The following AARS1 variants were observed in gnomAD, a reference collection of about 807,000 sequenced individuals.
The protein encoded by AARS1 is alanine--tRNA ligase, cytoplasmic.
In AARS1, 72 loss-of-function variants were observed where a neutral mutation model predicts 108.9. The ratio of observed to expected loss-of-function variants is 0.66; its 90% CI spans 0.55 to 0.80. AARS1 has a LOEUF of 0.80. AARS1 is among the 30% of genes least tolerant of loss of function. AARS1 has a pLI of 0.00. For missense variants in AARS1, 1,193 were observed against 1,233.2 expected (o/e 0.97, Z 0.49); for synonymous variants, 489 against 465.7 (o/e 1.05, Z -0.64).
In AARS1 at chr16:70,258,961, C is replaced by G. The variant is rs1960065308; in HGVS notation, c.1992+19G>C. 6.2e-7 allele frequency: 1 copy of G among 1,612,196 alleles called. No individual in the cohort carries two copies. Among genetic ancestry groups the G allele is most frequent in the African/African-American group, 1.3e-5 (1 of 75,008 alleles). On this transcript the variant is annotated intron_variant, in intron 14 of 20. Transcript: ENST00000261772. The stretch of plus-strand genomic sequence containing the variant: ...TGACGGTGTGGGGAGGGGGGGCATT[C>G]AGCCGTCGCCCATCCTACCTTGGCT...
intron 16 of AARS1, 135 bp downstream of exon 16, chr16:70,255,593 G>A: frequency 1.3e-6 from 1 of 768,574 alleles, no homozygotes; most frequent in Admixed American, 2.0e-5. Flanking sequence ...GGACACTGGG[G>A]CAGGGGGAGT....
At chr16:70,266,085 G>A (rs1235610780) in intron 9 of AARS1, among the ~76,000 whole-genome samples, 3 of 152,054 alleles carry the variant, frequency 2.0e-5, no homozygotes, top group Non-Finnish European at 4.4e-5. Flanking sequence ...AGGCCGAGGC[G>A]GGCGGATCAG....
At chr16:70,274,747 G>T (rs986965382) in intron 4 of AARS1, among the ~76,000 whole-genome samples, 1 of 151,308 alleles carries the variant, frequency 6.6e-6, no homozygotes. Context: ...GGAGTGGAGT[G>T]GGGGTGGGGA....
chr16:70,269,696 T>A lies in AARS1; in HGVS notation c.884A>T (p.Tyr295Phe). The part of the protein sequence containing the change: ...AEDADGIDMA[Y>F]RVLADHARTI... ...CCGAGCGTGGTCAGCCAGCACCCGG[T>A]AGGCCATGTCAATCCCATCGGCATC... The change falls in exon 7 of 21, where the codon TAC becomes TTC. Residue 295 changes from tyrosine (Y) to phenylalanine (F), a missense_variant. Transcript: ENST00000261772. 6.2e-7 allele frequency: 1 copy of A among 1,614,096 alleles called. No individual in the cohort carries two copies. Among genetic ancestry groups the A allele is most frequent in the East Asian group, 2.2e-5 (1 of 44,888 alleles).
chr16:70,280,904 C>G (rs1290358476), intron 2 of AARS1, among the ~76,000 whole-genome samples: 1 of 152,166 alleles, frequency 6.6e-6, no homozygotes, highest in Admixed American at 6.6e-5. Flanking sequence ...CAGGGATCAC[C>G]ATAGCCTTGA....
chr16:70,256,921 C>T lies in AARS1; in HGVS notation c.2178-1085G>A, dbSNP rs1202599505. Among the ~76,000 whole-genome samples the T allele has an allele frequency of 2.7e-5, 4 of 150,844 alleles. No individual in the cohort carries two copies. In the Admixed American group the frequency reaches 2.7e-4, roughly 10 times the overall value. On this transcript the variant is annotated intron_variant, in intron 15 of 20. Transcript: ENST00000261772. Reference sequence around the variant, plus strand: ...CCTGAGATCAGGAGTTCAAGACCAGCCTGACCAACGTGGAGAAACCCCCTC... The same window carrying T: ...CCTGAGATCAGGAGTTCAAGACCAGTCTGACCAACGTGGAGAAACCCCCTC...
intron 2 of AARS1, among the ~76,000 whole-genome samples, chr16:70,280,727 T>C (rs918040333): frequency 1.3e-5 from 2 of 152,222 alleles, no homozygotes; most frequent in Admixed American, 6.5e-5. Flanking sequence ...GTCACAGACA[T>C]GCTGACAAAC....
rs34306553 is a variant in AARS1 at position 70,271,882 on chromosome 16, G to C, written c.570C>G (p.Ile190Met). ...DTGPCGPCSE[I>M]HYDRIGGRDA... ...CCCGACCACCAATCCGGTCGTAGTG[G>C]ATCTCACTGCAAGGACCACAGGGGC... The change falls in exon 5 of 21, where the codon ATC becomes ATG. Residue 190 changes from isoleucine to methionine, a missense_variant. Ile to Met is a conservative substitution (Grantham distance 10). Coordinates refer to ENST00000261772, the MANE Select transcript of AARS1 (RefSeq NM_001605.3). The C allele has an allele frequency of 6.2e-7, 1 of 1,614,036 alleles. No individual in the cohort carries two copies. The highest frequency in any genetic ancestry group is 8.5e-7 in the Non-Finnish European group (1 of 1,179,932).
At chr16:70,278,130 C>G (rs769876924) in intron 2 of AARS1, among the ~76,000 whole-genome samples, 2 of 151,896 alleles carry the variant, frequency 1.3e-5, no homozygotes, top group Non-Finnish European at 2.9e-5. Context: ...TGTAATCCCA[C>G]CACTTTGGGA....
chr16:70,268,119 G>A, intron 8 of AARS1, 152 bp downstream of exon 8: 1 of 772,942 alleles, frequency 1.3e-6, no homozygotes, highest in Non-Finnish European at 2.2e-6. Context: ...AGTGAGCCAA[G>A]ATCACTCTAT....
At chr16:70,269,557 A>G (rs1960347306) in intron 7 of AARS1, 61 bp downstream of exon 7, 3 of 1,605,420 alleles carry the variant, frequency 1.9e-6, no homozygotes, top group African/African-American at 1.3e-5. Context: ...AGTTTCATAA[A>G]GAGTCACACA....
chr16:70,253,435 T>C (rs1959896348), intron 19 of AARS1, 54 bp from the exon 20 acceptor site: 14 of 1,427,654 alleles, frequency 9.8e-6, no homozygotes, highest in Non-Finnish European at 1.4e-5. Context: ...CCCTCACTAG[T>C]GTGAGCATTT....
intron 4 of AARS1, among the ~76,000 whole-genome samples, chr16:70,275,391 A>C (rs1182557914): frequency 6.6e-6 from 1 of 150,950 alleles, no homozygotes; most frequent in African/African-American, 2.4e-5. Flanking sequence ...CACGGCGGGC[A>C]GATCACGAGG....
intron 15 of AARS1, among the ~76,000 whole-genome samples, chr16:70,257,113 G>C (rs1317935565): frequency 6.6e-6 from 1 of 152,142 alleles, no homozygotes; most frequent in Non-Finnish European, 1.5e-5. Flanking sequence ...GCTGGGCGTG[G>C]TGGTGTGTGC....
chr16:70,253,638 A>C (rs1443092009), intron 19 of AARS1, 76 bp downstream of exon 19: 1 of 1,525,924 alleles, frequency 6.6e-7, no homozygotes, highest in Non-Finnish European at 9.0e-7. Flanking sequence ...CACTTCGCTC[A>C]GAGCCACAGA....
rs1959902489 is a variant in AARS1 at position 70,253,595 on chromosome 16, A to G, written c.2607+119T>C. 2.6e-5 allele frequency: 33 copies of G among 1,259,078 alleles called. 1 individual carries two copies. In the South Asian group the frequency reaches 3.8e-4, roughly 14 times the overall value. 78.0% of individuals were successfully genotyped at this position (1,259,078 alleles called of 1,614,324 possible). A position where few individuals can be genotyped will look rare whatever the true frequency, so the allele number is the denominator to read the frequency against. ...ATGCAGGGAGCTGCTGCTCCTCCCA[A>G]TCTCAATCCCAGACCGTGGGCCCTT... On this transcript the variant is annotated intron_variant, in intron 19 of 20. Coordinates refer to ENST00000261772, the MANE Select transcript of AARS1 (RefSeq NM_001605.3).
chr16:70,289,321 G>A (rs943147446), intron 1 of AARS1, 100 bp downstream of exon 1: 1 of 350,618 alleles, frequency 2.9e-6, no homozygotes, highest in East Asian at 7.6e-5. Flanking sequence ...AGGCCACGCG[G>A]GGCCTGATCC....
chr16:70,272,489 A>G (rs966089117), intron 4 of AARS1, among the ~76,000 whole-genome samples: 2 of 122,652 alleles, frequency 1.6e-5, no homozygotes, highest in Non-Finnish European at 3.3e-5. Flanking sequence ...CTGGGCAACG[A>G]GAGCAAAACT....
chr16:70,259,165 T>G lies in AARS1; in HGVS notation c.1807A>C (p.Ser603Arg). The change falls in exon 14 of 21, where the codon AGC becomes CGC. Residue 603 changes from serine to arginine, a missense_variant. Physicochemically the swap from Ser to Arg is moderately radical, Grantham distance 110. Transcript: ENST00000261772. ...AGAATGTGCGTAGCTGTGTGGTTGC[T>G]CATGATGGGTCTTCGTCGGGGCTGG... ...IDEPRRRPIM[S>R]NHTATHILNF... 1 of 1,614,132 alleles carries G rather than the reference T, an allele frequency of 6.2e-7. No homozygotes were observed.
Sources: allele counts gnomAD v4.1 joint callset (sites outside exome capture counted in the v4.1 genomes callset), GRCh38; gene constraint gnomAD v4.1.1; transcripts MANE v1.5; gene names NCBI Gene and HGNC (gene_info 2026-07-23, HGNC 2026-07-21).